Variants in C4BPB observed in about 807,000 individuals in gnomAD.
The protein encoded by C4BPB is complement component 4 binding protein beta.
Under a neutral mutation model 26.6 loss-of-function variants are expected in C4BPB, and 19 were observed. That is an observed-to-expected ratio of 0.71 (90% CI 0.50 to 1.05). The LOEUF (loss-of-function observed/expected upper bound fraction) is 1.05. C4BPB is among the 50% of genes least tolerant of loss of function. C4BPB has a pLI of 0.00. For missense variants in C4BPB, 282 were observed against 302.9 expected (o/e 0.93, Z 0.51); for synonymous variants, 118 against 103.5 (o/e 1.14, Z -0.85).
At chr1:207,098,045 G>T in intron 5 of C4BPB, 105 bp from the exon 6 acceptor site, 3 of 839,394 alleles carry the variant, frequency 3.6e-6, no homozygotes, top group Non-Finnish European at 5.9e-6. Flanking sequence ...CAGGGAGGTG[G>T]ATTCCATCAC....
chr1:207,094,346 G>T (rs1684162427), intron 4 of C4BPB, among the ~76,000 whole-genome samples: 1 of 151,936 alleles, frequency 6.6e-6, no homozygotes, highest in Admixed American at 6.6e-5. Context: ...ATAAAGACAG[G>T]CAGTTTAAGA....
intron 1 of C4BPB, 165 bp downstream of exon 1, chr1:207,089,111 T>G: frequency 5.8e-6 from 1 of 172,000 alleles, no homozygotes; most frequent in Non-Finnish European, 1.2e-5. Context: ...CTGGCCAGAG[T>G]TACAGAAGTT....
intron 3 of C4BPB, 29 bp downstream of exon 3, chr1:207,090,510 C>T: frequency 6.4e-7 from 1 of 1,562,428 alleles, no homozygotes; most frequent in Non-Finnish European, 8.7e-7. Context: ...TATCTTTGCC[C>T]ATATTGATAT....
intron 4 of C4BPB, 30 bp from the exon 5 acceptor site, chr1:207,096,492 A>T: frequency 7.2e-7 from 1 of 1,385,444 alleles, no homozygotes; most frequent in Non-Finnish European, 1.0e-6. Flanking sequence ...TGGCCCTCAT[A>T]ACTATGACTT....
At chr1:207,093,831 C>G (rs766589339) in intron 4 of C4BPB, among the ~76,000 whole-genome samples, 17 of 151,954 alleles carry the variant, frequency 1.1e-4, no homozygotes, top group Non-Finnish European at 2.1e-4. Flanking sequence ...GTATTTGCAA[C>G]ATATTTGATG....
chr1:207,092,021 AT>A, intron 4 of C4BPB: 1 of 519,866 alleles, frequency 1.9e-6, no homozygotes, highest in South Asian at 3.4e-5. Context: ...AATGAACAGC[AT>A]CCAAAGCACA....
At chr1:207,098,724 A>T (rs575196018) in intron 6 of C4BPB, among the ~76,000 whole-genome samples, 1 of 152,352 alleles carries the variant, frequency 6.6e-6, no homozygotes, top group Admixed American at 6.5e-5. Context: ...ATGTAGAATC[A>T]GTGGGAGCCC....
intron 4 of C4BPB, chr1:207,094,863 A>C (rs1179617953): frequency 6.1e-6 from 1 of 164,508 alleles, no homozygotes; most frequent in Non-Finnish European, 1.3e-5. Context: ...AAAATATAGA[A>C]AATAAAAGAC....
chr1:207,095,254 A>T (rs1684196427), intron 4 of C4BPB: 1 of 456,166 alleles, frequency 2.2e-6, no homozygotes, highest in Non-Finnish European at 4.4e-6. Context: ...ATCAAGACTC[A>T]CAACTCCTAA....
intron 5 of C4BPB, 175 bp from the exon 6 acceptor site, chr1:207,097,975 T>A: frequency 1.8e-6 from 1 of 554,784 alleles, no homozygotes; most frequent in Non-Finnish European, 3.2e-6. Context: ...AGGAAAATGG[T>A]TTTACTTTGA....
intron 4 of C4BPB, 90 bp downstream of exon 4, chr1:207,091,910 C>G: frequency 8.9e-7 from 1 of 1,124,622 alleles, no homozygotes; most frequent in Non-Finnish European, 1.2e-6. Context: ...ATGCTTTTCT[C>G]TTTTTTTGTA....
chr1:207,090,308 C>T lies in C4BPB; in HGVS notation c.59C>T (p.Ala20Val), dbSNP rs760484056. 6 of 1,602,262 alleles carry T rather than the reference C, an allele frequency of 3.7e-6. No individual in the cohort carries two copies. The highest frequency in any genetic ancestry group is 5.1e-6 in the Non-Finnish European group (6 of 1,175,934). The change falls in exon 3 of 7, where the codon GCA (alanine) becomes GTA (valine). Residue 20 changes from alanine to valine, a missense_variant and splice_region_variant. Ala to Val is a moderately conservative substitution (Grantham distance 64, BLOSUM62 0). Coordinates refer to ENST00000367078, the MANE Select transcript of C4BPB (RefSeq NM_001017365.3). ...GAATCTGTTTTCTTTTTTCTTCCAG[C>T]AGAGCACTGTCCAGAGCTTCCTCCA... ...MVAWRVSASDAEHCPELPPVD... is the reference protein window; with the variant it reads ...MVAWRVSASDVEHCPELPPVD...
Position 207,090,489 on chromosome 1 carries a change from A to T in C4BPB, c.232+8A>T, listed in dbSNP as rs1683986119. On this transcript the variant is annotated splice_region_variant and intron_variant, in intron 3 of 6. Transcript: ENST00000367078. Reference sequence around the variant, plus strand: ...CCACTACTGAGTGCCGCTGTAAGTTAGATCTTTCTGTATCTTTGCCCATAT... The same window carrying T: ...CCACTACTGAGTGCCGCTGTAAGTTTGATCTTTCTGTATCTTTGCCCATAT... 1 of 1,595,366 alleles carries T rather than the reference A, an allele frequency of 6.3e-7. No individual in the cohort carries two copies. The highest frequency in any genetic ancestry group is 1.7e-5 in the Admixed American group (1 of 57,390).
At chr1:207,090,658 T>C (rs1168171915) in intron 3 of C4BPB, among the ~76,000 whole-genome samples, 177 bp downstream of exon 3, 1 of 152,344 alleles carries the variant, frequency 6.6e-6, no homozygotes, top group African/African-American at 2.4e-5. Flanking sequence ...TATGATCAGA[T>C]CTTGATCAGT....
In C4BPB at chr1:207,089,459, A is replaced by T. The variant is rs55754417; in HGVS notation, c.-50-23A>T. 2,641 of 1,335,746 alleles carry T rather than the reference A, an allele frequency of 2.0e-3. 33 individuals carry two copies. The African/African-American group carries it at 0.031, about 16-fold the overall frequency. 82.7% of individuals were successfully genotyped at this position (1,335,746 alleles called of 1,614,324 possible). On this transcript the variant is annotated intron_variant, in intron 1 of 6. Transcript: ENST00000367078. The stretch of plus-strand genomic sequence containing the variant: ...TAGGTTGGTCTTAAGCAGTGTTAGA[A>T]GATCTATTTTTTTTCAAACCAGGTG...
chr1:207,096,224 A>G (rs1684243127), intron 4 of C4BPB: 1 of 351,720 alleles, frequency 2.8e-6, no homozygotes, highest in Admixed American at 4.5e-5. Context: ...GCTTCTCTAC[A>G]ACTTAAAATT....
chr1:207,090,439 A>G lies in C4BPB; in HGVS notation c.190A>G (p.Asn64Asp), dbSNP rs756416947. ...HLVGKKTLFC[N>D]ASKEWDNTTT... is the part of the protein sequence containing the mutation. ...GGTAGGAAAGAAGACCCTTTTTTGC[A>G]ATGCCTCTAAGGAGTGGGATAACAC... Residue 64 changes from asparagine (N) to aspartate (D), a missense_variant, in exon 3 of 7, where the codon AAT becomes GAT. Asn to Asp is a conservative substitution (Grantham distance 23, BLOSUM62 1). Coordinates refer to ENST00000367078, the MANE Select transcript of C4BPB (RefSeq NM_001017365.3). 1.2e-6 allele frequency: 2 copies of G among 1,613,890 alleles called. No homozygotes were observed. The highest frequency in any genetic ancestry group is 2.2e-5 in the South Asian group (2 of 91,054).
intron 3 of C4BPB, 40 bp downstream of exon 3, chr1:207,090,521 C>A (rs761920632): frequency 1.3e-6 from 2 of 1,525,790 alleles, no homozygotes; most frequent in Non-Finnish European, 1.8e-6. Flanking sequence ...ATATTGATAT[C>A]CTGTTTTACT....
intron 3 of C4BPB, among the ~76,000 whole-genome samples, chr1:207,091,185 A>G (rs575506786): frequency 1.3e-5 from 2 of 152,330 alleles, no homozygotes; most frequent in South Asian, 4.1e-4. Context: ...CTTCATTCAT[A>G]TAACCAAACT....
Sources: allele counts gnomAD v4.1 joint callset (sites outside exome capture counted in the v4.1 genomes callset), GRCh38; gene constraint gnomAD v4.1.1; transcripts MANE v1.5; gene names NCBI Gene and HGNC (gene_info 2026-07-23, HGNC 2026-07-21).